The following GBGT1 variants were observed in gnomAD, a reference collection of about 807,000 sequenced individuals.
The protein encoded by GBGT1 is globoside alpha-1,3-N-acetylgalactosaminyltransferase 1 (FORS blood group).
A neutral mutation model predicts 20.9 loss-of-function variants in GBGT1; 18 were observed. That is an observed-to-expected ratio of 0.86 (90% CI 0.60 to 1.28). GBGT1 has a LOEUF of 1.28. Among genes scored for constraint, GBGT1 ranks in the 50% most tolerant of loss-of-function variants. The pLI is 0.00. For synonymous variants in GBGT1, 168 were observed against 180.8 expected (o/e 0.93, Z 0.57); for missense variants, 432 against 455.7 (o/e 0.95, Z 0.47).
chr9:133,162,602 C>CCT, intron 1 of GBGT1, 70 bp from the exon 2 acceptor site: 1 of 601,038 alleles, frequency 1.7e-6, no homozygotes, highest in Non-Finnish European at 3.0e-6. Context: ...AGTGCAGTGG[C>CCT]GCAATCTCCA....
chr9:133,158,566 G>A (rs1323716848), intron 3 of GBGT1, among the ~76,000 whole-genome samples: 1 of 152,112 alleles, frequency 6.6e-6, no homozygotes. Flanking sequence ...TTACAGGCAT[G>A]AGCTGCCTTG....
intron 1 of GBGT1, chr9:133,163,538 C>A: frequency 6.5e-6 from 1 of 152,932 alleles, no homozygotes; most frequent in South Asian, 2.0e-4. Context: ...GCCTCAGTTT[C>A]CCCACTCGGG....
At position 133,153,760 on chromosome 9, in the gene GBGT1, C is replaced by T; in HGVS notation, c.861G>A (p.Lys287=). The part of the protein sequence containing the change: ...RGCHMAILAD[K]ANGIMAAWRE... ...GCCAGGCAGCCATGATGCCATTGGC[C>T]TTGTCCGCCAGGATGGCCATGTGGC... is the stretch of plus-strand genomic sequence containing the variant. Residue 287 remains lysine, a synonymous_variant, in exon 7 of 7, where the codon AAG becomes AAA. Coordinates refer to ENST00000372040, the MANE Select transcript of GBGT1 (RefSeq NM_021996.6). The T allele has an allele frequency of 6.2e-7, 1 of 1,611,330 alleles. No homozygotes were observed. Among genetic ancestry groups the T allele is most frequent in the African/African-American group, 1.3e-5 (1 of 75,006 alleles).
Position 133,154,190 on chromosome 9 carries a change from T to C in GBGT1, c.431A>G (p.Tyr144Cys). The change falls in exon 7 of 7, where the codon TAC becomes TGC. Residue 144 changes from tyrosine (Y) to cysteine (C), a missense_variant. Physicochemically the swap from Tyr to Cys is radical, Grantham distance 194. Coordinates refer to ENST00000372040, the MANE Select transcript of GBGT1 (RefSeq NM_021996.6). This position sits in a 1 kb window ranked among gnomAD's most constrained non-coding sequence, Gnocchi z 4.2. Reference protein sequence around the residue: ...EFFMRGYRVHYYIFTDNPAAV... With the variant: ...EFFMRGYRVHCYIFTDNPAAV... ...TGCAGGGTTGTCAGTGAAGATGTAG[T>C]AGTGCACCCGGTACCCACGCATGAA... is the stretch of plus-strand genomic sequence containing the variant. 1 of 1,579,102 alleles carries C rather than the reference T, an allele frequency of 6.3e-7. No individual in the cohort carries two copies. The highest frequency in any genetic ancestry group is 8.6e-7 in the Non-Finnish European group (1 of 1,157,448).
chr9:133,162,427 C>T lies in GBGT1; in HGVS notation c.-15G>A. 2 of 1,595,646 alleles carry T rather than the reference C, an allele frequency of 1.3e-6. No homozygotes were observed. The highest frequency in any genetic ancestry group is 1.7e-6 in the Non-Finnish European group (2 of 1,172,688). ...CGGCGATGCATTGCTGGGGGCTGCA[C>T]CTGAGCCTGGGCACTTGTAGAGACC... On this transcript the variant is annotated 5_prime_UTR_variant, in exon 2 of 7. In the 5' UTR this introduces an upstream ATG that the reference lacks. Transcript: ENST00000372040.
chr9:133,155,905 G>A lies in GBGT1; in HGVS notation c.220C>T (p.His74Tyr), dbSNP rs763288546. ...SQYPQPKLLEHRPTQLLTLTP... is the reference protein window; with the variant it reads ...SQYPQPKLLEYRPTQLLTLTP... ...AGGCCTCTCCATGACACCTACCTGT[G>A]CTCCAGCAGCTTGGGCTGAGGGTAC... The change falls in exon 5 of 7, where the codon CAC (histidine) becomes TAC (tyrosine). Residue 74 changes from histidine to tyrosine, a missense_variant. By Grantham distance (83) the His-to-Tyr change is moderately conservative. Coordinates refer to ENST00000372040, the MANE Select transcript of GBGT1 (RefSeq NM_021996.6). 4 of 1,614,094 alleles carry A rather than the reference G, an allele frequency of 2.5e-6. No homozygotes were observed. Among genetic ancestry groups the A allele is most frequent in the Non-Finnish European group, 2.5e-6 (3 of 1,179,970 alleles).
chr9:133,156,620 A>G (rs1384634714), intron 3 of GBGT1, among the ~76,000 whole-genome samples: 1 of 151,466 alleles, frequency 6.6e-6, no homozygotes, highest in African/African-American at 2.4e-5. Context: ...AGATCGCACC[A>G]TTGCACTACA....
At chr9:133,158,954 C>T (rs1435781759) in intron 3 of GBGT1, among the ~76,000 whole-genome samples, 2 of 151,870 alleles carry the variant, frequency 1.3e-5, no homozygotes, top group East Asian at 3.9e-4. Context: ...TGATTAGTAG[C>T]TACTTTTTTT....
At chr9:133,155,965 G>A in intron 4 of GBGT1, 29 bp from the exon 5 acceptor site, 1 of 1,613,600 alleles carries the variant, frequency 6.2e-7, no homozygotes, top group South Asian at 1.1e-5. Flanking sequence ...AGTGATGGAG[G>A]AGAGCCACCA....
chr9:133,155,836 C>T (rs1832854204), intron 5 of GBGT1, 65 bp downstream of exon 5: 2 of 1,553,364 alleles, frequency 1.3e-6, no homozygotes, highest in Non-Finnish European at 1.8e-6. Flanking sequence ...CACTACCCCA[C>T]CTTATAAATC....
exon 1 of GBGT1, chr9:133,163,900 CCAGACAGAAAAGAGGAAGA>C (rs1352891103): frequency 6.6e-6 from 1 of 152,558 alleles, no homozygotes. Context: ...GGGCCGCGGG[CCAGACAGAAAAGAGGAAGA>C]CAGACAGGAA....
chr9:133,154,646 A>G lies in GBGT1; in HGVS notation c.360-385T>C. The G allele has an allele frequency of 5.4e-6, 1 of 184,646 alleles. No homozygotes were observed. The highest frequency in any genetic ancestry group is 1.1e-5 in the Non-Finnish European group (1 of 89,324). 11.4% of individuals were successfully genotyped at this position (184,646 alleles called of 1,614,324 possible). ...AGCAGGTAAGTGGACGAATCAAGGG[A>G]AGGCAAGTTGAGCTAGATGCTGGGG... is the stretch of plus-strand genomic sequence containing the variant. On this transcript the variant is annotated intron_variant, in intron 6 of 6. Coordinates refer to ENST00000372040, the MANE Select transcript of GBGT1 (RefSeq NM_021996.6). This position sits in a 1 kb window ranked among gnomAD's most constrained non-coding sequence, Gnocchi z 4.2.
rs35898523 is a variant in GBGT1 at position 133,154,258 on chromosome 9, G to A, written c.363C>T (p.Tyr121=). The part of the protein sequence containing the change: ...IGVTVFAVGK[Y]THFIQSFLES... ...CCAGGAAGGACTGGATGAAATGAGT[G>A]TACCTAGTGATGATCACCCGGTCAC... is the stretch of plus-strand genomic sequence containing the variant. The change falls in exon 7 of 7, where the codon TAC becomes TAT. Residue 121 remains tyrosine (Y), a synonymous_variant. Coordinates refer to ENST00000372040, the MANE Select transcript of GBGT1 (RefSeq NM_021996.6). The surrounding 1 kb of genome is among the most constrained non-coding windows in gnomAD (Gnocchi z 4.2). 19 of 1,520,332 alleles carry A rather than the reference G, an allele frequency of 1.2e-5. No homozygotes were observed. In the South Asian group the frequency reaches 2.2e-4, roughly 17 times the overall value. The allele number at this position is 1,520,332 out of a possible 1,614,324, so 94.2% of individuals were successfully genotyped here.
At chr9:133,163,210 G>A (rs1463922802) in intron 1 of GBGT1, 1 of 152,344 alleles carries the variant, frequency 6.6e-6, no homozygotes, top group Non-Finnish European at 1.5e-5. Context: ...GGATGCGCGG[G>A]AAGGGGCGCC....
At position 133,153,345 on chromosome 9, in the gene GBGT1, A is replaced by T. The variant is rs1832759952; in HGVS notation, c.*232T>A. On this transcript the variant is annotated 3_prime_UTR_variant, in exon 7 of 7. Coordinates refer to ENST00000372040, the MANE Select transcript of GBGT1 (RefSeq NM_021996.6). ...CAAGCCTGCCGGGCCCTGCCTTTGT[A>T]ACTGCGCCTCCCCTCCCCCTGTCTC... is the stretch of plus-strand genomic sequence containing the variant. The T allele has an allele frequency of 5.2e-6, 2 of 382,682 alleles. No individual in the cohort carries two copies. Among genetic ancestry groups the T allele is most frequent in the Admixed American group, 8.8e-5 (2 of 22,602 alleles). The allele number at this position is 382,682 out of a possible 1,614,324, so 23.7% of individuals were successfully genotyped here. A position where few individuals can be genotyped will look rare whatever the true frequency, so the allele number is the denominator to read the frequency against.
At position 133,162,510 on chromosome 9, in the gene GBGT1, G is replaced by C. The variant is rs1833087418; in HGVS notation, c.-98C>G. 3.2e-6 allele frequency: 3 copies of C among 931,660 alleles called. No homozygotes were observed. The highest frequency in any genetic ancestry group is 5.1e-6 in the Non-Finnish European group (3 of 584,442). 57.7% of individuals were successfully genotyped at this position (931,660 alleles called of 1,614,324 possible). A position where few individuals can be genotyped will look rare whatever the true frequency, so the allele number is the denominator to read the frequency against. On this transcript the variant is annotated 5_prime_UTR_variant, in exon 2 of 7. Coordinates refer to ENST00000372040, the MANE Select transcript of GBGT1 (RefSeq NM_021996.6). ...CGCAGGGATGTCAGGCTCTGAGCCTGGTCTCTGAGGTCCCAGGAACACCTG... is the reference window on the plus strand; with the variant it reads ...CGCAGGGATGTCAGGCTCTGAGCCTCGTCTCTGAGGTCCCAGGAACACCTG...
At chr9:133,161,028 A>T (rs752620182) in intron 3 of GBGT1, 18 of 384,386 alleles carry the variant, frequency 4.7e-5, no homozygotes, top group African/African-American at 3.6e-4. Flanking sequence ...AAAAAAAAAG[A>T]CTCCTTAGTT....
intron 3 of GBGT1, among the ~76,000 whole-genome samples, chr9:133,157,911 C>T (rs1832918845): frequency 6.6e-6 from 1 of 152,190 alleles, no homozygotes; most frequent in Admixed American, 6.5e-5. Flanking sequence ...CTTTGGGAGG[C>T]CAAAGCGGGC....
intron 6 of GBGT1, 69 bp downstream of exon 6, chr9:133,155,109 G>C (rs34111804): frequency 7.6e-6 from 11 of 1,450,664 alleles, no homozygotes; most frequent in Non-Finnish European, 1.1e-5. Context: ...GTCTGGTCTG[G>C]TCTCTTCCCA....
Sources: gnomAD v4.1 joint callset for allele counts (sites outside exome capture counted in the v4.1 genomes callset) on GRCh38, gnomAD v4.1.1 for gene constraint, Gnocchi (gnomAD v3.1) non-coding constraint, MANE v1.5 for transcripts, NCBI Gene and HGNC (gene_info 2026-07-23, HGNC 2026-07-21) for gene names.